RALGAPA2: variants seen among roughly 807,000 people sequenced by gnomAD.
RALGAPA2 encodes the protein ral GTPase-activating protein subunit alpha-2.
Under a neutral mutation model 230.4 loss-of-function variants are expected in RALGAPA2, and 139 were observed. The ratio of observed to expected loss-of-function variants is 0.60; its 90% CI spans 0.53 to 0.69. The LOEUF is 0.69. Ranked by LOEUF, RALGAPA2 falls within the 30% of genes least tolerant of loss-of-function variation. The pLI, the probability that RALGAPA2 is intolerant of heterozygous loss-of-function variation, is 0.00. For synonymous variants in RALGAPA2, 847 were observed against 837.8 expected (o/e 1.01, Z -0.19); for missense variants, 2,163 against 2,276.0 (o/e 0.95, Z 1.01).
intron 10 of RALGAPA2, 23 bp downstream of exon 10, chr20:20,629,340 C>T (rs755502952): frequency 6.6e-7 from 1 of 1,514,722 alleles, no homozygotes; most frequent in Admixed American, 1.9e-5. Context: ...CACACACACA[C>T]ACACACACAC....
At chr20:20,603,381 C>T (rs1034229365) in intron 15 of RALGAPA2, among the ~76,000 whole-genome samples, 7 of 152,286 alleles carry the variant, frequency 4.6e-5, no homozygotes, top group Middle Eastern at 3.4e-3. Flanking sequence ...ATTTATTATA[C>T]GTGTATATGG....
chr20:20,502,823 G>A (rs183452748), intron 35 of RALGAPA2, among the ~76,000 whole-genome samples: 62 of 152,260 alleles, frequency 4.1e-4, no homozygotes, highest in African/African-American at 1.4e-3. Context: ...CTTTTAAGGC[G>A]CTCCTCACTT....
chr20:20,679,265 A>C (rs953101825), intron 2 of RALGAPA2, among the ~76,000 whole-genome samples: 1 of 152,036 alleles, frequency 6.6e-6, no homozygotes, highest in Admixed American at 6.5e-5. Flanking sequence ...GGCACCTCAC[A>C]AAGCAGACTC....
At chr20:20,484,783 G>C (rs1006551572) in intron 36 of RALGAPA2, among the ~76,000 whole-genome samples, 1 of 152,204 alleles carries the variant, frequency 6.6e-6, no homozygotes, top group Non-Finnish European at 1.5e-5. Context: ...CATTTTTGAT[G>C]ATGAGCCCAA....
At chr20:20,582,161 AGT>A (rs35240382) in intron 20 of RALGAPA2, among the ~76,000 whole-genome samples, 10,297 of 145,880 alleles carry the variant, frequency 0.071, 372 homozygotes, top group East Asian at 0.15. Context: ...AGTGTCACAC[AGT>A]GTGTGTGTGT....
chr20:20,527,593 G>GGCCCCCCCCCCCCCC (rs2063246491), intron 27 of RALGAPA2, among the ~76,000 whole-genome samples: 1 of 148,268 alleles, frequency 6.7e-6, no homozygotes, highest in African/African-American at 2.5e-5. Flanking sequence ...CCACCACACC[G>GGCCCCCCCCCCCCCC]CCCTCCCCCC....
intron 36 of RALGAPA2, among the ~76,000 whole-genome samples, chr20:20,481,897 C>T (rs1463027050): frequency 6.6e-6 from 1 of 152,106 alleles, no homozygotes; most frequent in Non-Finnish European, 1.5e-5. Context: ...GGTTCAAATG[C>T]CCTACCAACC....
chr20:20,476,262 T>C (rs2061648245), intron 36 of RALGAPA2, among the ~76,000 whole-genome samples: 1 of 152,078 alleles, frequency 6.6e-6, no homozygotes, highest in Admixed American at 6.6e-5. Context: ...AGACATAAAT[T>C]AGTCAAGATG....
At chr20:20,400,719 G>A (rs1303933408) in intron 38 of RALGAPA2, among the ~76,000 whole-genome samples, 3 of 152,138 alleles carry the variant, frequency 2.0e-5, no homozygotes, top group Non-Finnish European at 2.9e-5. Context: ...TGAGTGAGTG[G>A]CCACAGAGGA....
chr20:20,638,219 G>A (rs886575075), intron 7 of RALGAPA2, among the ~76,000 whole-genome samples: 1 of 152,194 alleles, frequency 6.6e-6, no homozygotes, highest in Non-Finnish European at 1.5e-5. Context: ...CCCCCAACAT[G>A]ACTTAGGGAA....
At chr20:20,504,180 A>T (rs1222287423) in intron 34 of RALGAPA2, among the ~76,000 whole-genome samples, 1 of 152,228 alleles carries the variant, frequency 6.6e-6, no homozygotes, top group East Asian at 1.9e-4. Flanking sequence ...CAAAACTCTA[A>T]TTGATAATGT....
intron 38 of RALGAPA2, among the ~76,000 whole-genome samples, chr20:20,405,580 T>C (rs773019691): frequency 6.6e-6 from 1 of 152,186 alleles, no homozygotes; most frequent in Non-Finnish European, 1.5e-5. Flanking sequence ...AAAAAAGTTT[T>C]AAAAGAACAA....
chr20:20,712,600 T>TGCTGCCGCCGCC lies in RALGAPA2; in HGVS notation c.-132_-121dup. 5 of 1,161,768 alleles carry TGCTGCCGCCGCC rather than the reference T, an allele frequency of 4.3e-6. No individual in the cohort carries two copies. The highest frequency in any genetic ancestry group is 4.7e-5 in the Admixed American group (1 of 21,316). 72.0% of individuals were successfully genotyped at this position (1,161,768 alleles called of 1,614,324 possible). A position where few individuals can be genotyped will look rare whatever the true frequency, so the allele number is the denominator to read the frequency against. On this transcript the variant is annotated 5_prime_UTR_variant, in exon 1 of 40. Transcript: ENST00000202677. The surrounding 1 kb of genome is among the most constrained non-coding windows in gnomAD (Gnocchi z 5.5). ...GGCCACTCGCCGCCCCCAGCCCCGC[T>TGCTGCCGCCGCC]GCTGCCGCCGCCGCCGCCGCCGCCG...
intron 34 of RALGAPA2, among the ~76,000 whole-genome samples, chr20:20,504,080 G>C (rs563368123): frequency 3.7e-4 from 57 of 152,134 alleles, no homozygotes; most frequent in Admixed American, 2.8e-3. Context: ...TCATAAACTA[G>C]TATTCTTTCA....
At position 20,629,532 on chromosome 20, in the gene RALGAPA2, G is replaced by C; in HGVS notation, c.1064C>G (p.Thr355Arg). 6.2e-7 allele frequency: 1 copy of C among 1,613,836 alleles called. No individual in the cohort carries two copies. Among genetic ancestry groups the C allele is most frequent in the Non-Finnish European group, 8.5e-7 (1 of 1,179,878 alleles). Residue 355 changes from threonine (T) to arginine (R), a missense_variant, in exon 10 of 40, where the codon ACG becomes AGG. Transcript: ENST00000202677. Reference protein sequence around the residue: ...RAPELDGGGPTEQDKSHSNSS... With the variant: ...RAPELDGGGPREQDKSHSNSS... ...GTTAGAATGGCTTTTGTCCTGCTCC[G>C]TGGGCCCACCACCATCCAGCTCAGG...
chr20:20,562,395 C>T (rs777200391), intron 23 of RALGAPA2, among the ~76,000 whole-genome samples: 3 of 152,152 alleles, frequency 2.0e-5, no homozygotes, highest in Non-Finnish European at 2.9e-5. Flanking sequence ...AACTGATACA[C>T]GATATCACAC....
intron 5 of RALGAPA2, among the ~76,000 whole-genome samples, chr20:20,641,159 C>T (rs749908802): frequency 2.0e-4 from 31 of 152,040 alleles, no homozygotes; most frequent in Non-Finnish European, 4.0e-4. Context: ...CCTTAGTCTC[C>T]CCATCTGTAA....
At chr20:20,538,587 T>C (rs1423567145) in intron 24 of RALGAPA2, among the ~76,000 whole-genome samples, 1 of 152,210 alleles carries the variant, frequency 6.6e-6, no homozygotes, top group Non-Finnish European at 1.5e-5. Context: ...AGTGAAGAAG[T>C]GTATTTCCCA....
chr20:20,517,002 G>A (rs2062891798), intron 31 of RALGAPA2, among the ~76,000 whole-genome samples: 1 of 152,200 alleles, frequency 6.6e-6, no homozygotes, highest in Non-Finnish European at 1.5e-5. Context: ...CAGGCAGCCT[G>A]CATGCTTGTG....
Sources: allele counts gnomAD v4.1 joint callset (sites outside exome capture counted in the v4.1 genomes callset), GRCh38; gene constraint gnomAD v4.1.1; non-coding constraint Gnocchi (gnomAD v3.1); transcripts MANE v1.5; gene names NCBI Gene and HGNC (gene_info 2026-07-23, HGNC 2026-07-21).